NTRK1: variants seen among roughly 807,000 people sequenced by gnomAD.
NTRK1 encodes the protein high affinity nerve growth factor receptor.
Under a neutral mutation model 86.8 loss-of-function variants are expected in NTRK1, and 62 were observed. That is an observed-to-expected ratio of 0.71 (90% CI 0.58 to 0.88). NTRK1 has a LOEUF of 0.88. Among genes scored for constraint, NTRK1 ranks in the 40% least tolerant of loss-of-function variants. The pLI is 0.00. For synonymous variants in NTRK1, 469 were observed against 456.6 expected (o/e 1.03, Z -0.35); for missense variants, 967 against 1,078.4 (o/e 0.90, Z 1.45).
intron 1 of NTRK1, chr1:156,841,154 G>C: frequency 1.4e-6 from 2 of 1,381,916 alleles, no homozygotes; most frequent in Non-Finnish European, 2.0e-6. Context: ...CCCCTGCCAC[G>C]CTCTCAGCCT....
upstream of NTRK1, among the ~76,000 whole-genome samples, chr1:156,857,873 C>A (rs1558093823): frequency 6.6e-6 from 1 of 152,184 alleles, no homozygotes; most frequent in African/African-American, 2.4e-5. Flanking sequence ...CTCTTTCCAC[C>A]AATCCCCCAG....
upstream of NTRK1, among the ~76,000 whole-genome samples, chr1:156,860,365 C>A (rs539867999): frequency 1.4e-3 from 210 of 152,346 alleles, 3 homozygotes; most frequent in South Asian, 0.011. Flanking sequence ...TGTCTTCCTC[C>A]CCAGGTTCTG....
At chr1:156,826,374 C>A (rs1654317037) in intron 1 of NTRK1, among the ~76,000 whole-genome samples, 1 of 137,770 alleles carries the variant, frequency 7.3e-6, no homozygotes, top group African/African-American at 2.6e-5. Context: ...GATCTCGGCT[C>A]ACTGCAAGCT....
At chr1:156,828,438 G>C (rs1167863935) in intron 1 of NTRK1, among the ~76,000 whole-genome samples, 2 of 152,242 alleles carry the variant, frequency 1.3e-5, no homozygotes, top group African/African-American at 2.4e-5. Context: ...GGAAGAAAAG[G>C]AAGGTTTAGA....
chr1:156,861,705 A>C (rs1655661102), intron 1 of NTRK1, among the ~76,000 whole-genome samples: 2 of 152,108 alleles, frequency 1.3e-5, no homozygotes, highest in Non-Finnish European at 2.9e-5. Flanking sequence ...TCCTTCCCCC[A>C]GAACCCGTTG....
At chr1:156,863,806 G>A (rs964894670) in intron 1 of NTRK1, among the ~76,000 whole-genome samples, 6 of 152,174 alleles carry the variant, frequency 3.9e-5, no homozygotes, top group Admixed American at 2.0e-4. Context: ...GCAGGGATAA[G>A]CCTTGGCCTT....
intron 2 of NTRK1, chr1:156,844,333 G>A: frequency 6.4e-7 from 1 of 1,562,894 alleles, no homozygotes; most frequent in Non-Finnish European, 8.8e-7. Flanking sequence ...AAGTCAGAGG[G>A]AAGGTCATGC....
At position 156,881,562 on chromosome 1, in the gene NTRK1, C is replaced by T. The variant is rs1324983370; in HGVS notation, c.2311C>T (p.Arg771Cys). Residue 771 changes from arginine to cysteine, a missense_variant, in exon 17 of 17, where the codon CGC (arginine) becomes TGC (cysteine). Arg to Cys is a radical substitution (Grantham distance 180, BLOSUM62 -3). Coordinates refer to ENST00000524377, the MANE Select transcript of NTRK1 (RefSeq NM_002529.4). ...CTGCTGGCAGCGGGAGCCCCAGCAACGCCACAGCATCAAGGATGTGCACGC... is the reference window on the plus strand; with the variant it reads ...CTGCTGGCAGCGGGAGCCCCAGCAATGCCACAGCATCAAGGATGTGCACGC... ...RGCWQREPQQ[R>C]HSIKDVHARL... The T allele has an allele frequency of 7.4e-6, 12 of 1,611,072 alleles. No homozygotes were observed. Among genetic ancestry groups the T allele is most frequent in the Admixed American group, 1.7e-5 (1 of 59,738 alleles).
rs983156783 is a variant in NTRK1, at chr1:156,870,358, G to C, written c.718-1265G>C. On this transcript the variant is annotated intron_variant, in intron 6 of 16. Transcript: ENST00000524377. ...AGACCAGCAGTTTGAGACCAGCCTG[G>C]GCAACAAAGCAAGACCCTATCTCTT... Among the ~76,000 whole-genome samples the C allele has an allele frequency of 7.2e-5, 11 of 152,144 alleles. 1 individual carries two copies. The highest frequency in any genetic ancestry group is 4.2e-4 in the South Asian group (2 of 4,818).
At chr1:156,837,604 G>T (rs1226115951) in intron 1 of NTRK1, 1 of 152,300 alleles carries the variant, frequency 6.6e-6, no homozygotes, top group East Asian at 1.9e-4. Context: ...CAAAACTTCA[G>T]TCCTAACCCT....
At chr1:156,877,156 G>A (rs1364038408) in intron 14 of NTRK1, among the ~76,000 whole-genome samples, 1 of 152,112 alleles carries the variant, frequency 6.6e-6, no homozygotes, top group Non-Finnish European at 1.5e-5. Context: ...CAGTAGCTGG[G>A]ACTACAGGTG....
chr1:156,841,612 C>G, intron 1 of NTRK1: 5 of 1,609,768 alleles, frequency 3.1e-6, no homozygotes, highest in Non-Finnish European at 4.2e-6. Flanking sequence ...CCAGGCCCCT[C>G]CCCAGATCCC....
At chr1:156,852,182 C>A (rs1202371936) in intron 2 of NTRK1, 2 of 1,595,908 alleles carry the variant, frequency 1.3e-6, no homozygotes, top group Non-Finnish European at 1.7e-6. Context: ...CCCATGGGGG[C>A]AGGGGCACAC....
intron 2 of NTRK1, chr1:156,844,614 A>G: frequency 6.2e-7 from 1 of 1,614,174 alleles, no homozygotes; most frequent in Non-Finnish European, 8.5e-7. Flanking sequence ...CACACACAGC[A>G]CTGTGGCCTC....
rs2102905437 is a variant in NTRK1, at chr1:156,873,771, C to T, written c.989C>T (p.Thr330Ile). 7 of 1,613,340 alleles carry T rather than the reference C, an allele frequency of 4.3e-6. No homozygotes were observed. Among genetic ancestry groups the T allele is most frequent in the Non-Finnish European group, 5.9e-6 (7 of 1,179,784 alleles). The change falls in exon 8 of 17, where the codon ACT becomes ATT. Residue 330 changes from threonine (T) to isoleucine (I), a missense_variant. Coordinates refer to ENST00000524377, the MANE Select transcript of NTRK1 (RefSeq NM_002529.4). ...SVLNETSFIF[T>I]EFLEPAANET... The stretch of plus-strand genomic sequence containing the variant: ...CTCAATGAGACCAGCTTCATCTTCA[C>T]TGAGTTCCTGGAGCCGGCAGCCAAT...
intron 1 of NTRK1, among the ~76,000 whole-genome samples, chr1:156,820,408 G>A (rs1654152982): frequency 6.6e-6 from 1 of 152,138 alleles, no homozygotes; most frequent in Non-Finnish European, 1.5e-5. Context: ...CACCACACAT[G>A]GCTAATTTTT....
At chr1:156,850,256 G>A (rs1003187461) in intron 2 of NTRK1, among the ~76,000 whole-genome samples, 1 of 152,060 alleles carries the variant, frequency 6.6e-6, no homozygotes, top group Admixed American at 6.5e-5. Context: ...CTGTCACCCA[G>A]GCTGCAGTGT....
chr1:156,815,767 G>C lies in NTRK1; in HGVS notation c.-135G>C. The C allele has an allele frequency of 1.9e-6, 3 of 1,604,760 alleles. 1 individual carries two copies. The highest frequency in any genetic ancestry group is 2.6e-6 in the Non-Finnish European group (3 of 1,171,380). The stretch of plus-strand genomic sequence containing the variant: ...AATGCACTGCACCCTGGTCATCTGC[G>C]GACTCAGCCTGAGCTTCCAGAGGGC... On this transcript the variant is annotated 5_prime_UTR_variant, in exon 1 of 17. Coordinates refer to the NTRK1 transcript ENST00000392302.
chr1:156,845,315 A>C (rs572969335), intron 2 of NTRK1: 74 of 1,611,328 alleles, frequency 4.6e-5, no homozygotes, highest in South Asian at 6.6e-5. Context: ...AGCGAGTCAG[A>C]GCCAAGGCCC....
Sources: gnomAD v4.1 joint callset for allele counts (sites outside exome capture counted in the v4.1 genomes callset) on GRCh38, gnomAD v4.1.1 for gene constraint, MANE v1.5 for transcripts, NCBI Gene and HGNC (gene_info 2026-07-23, HGNC 2026-07-21) for gene names.